The following ZNF136 variants were observed in gnomAD, a reference collection of about 807,000 sequenced individuals.
The protein encoded by ZNF136 is zinc finger protein 136 (clone pHZ-20).
In ZNF136, 8 loss-of-function variants were observed where a neutral mutation model predicts 11.4. The ratio of observed to expected loss-of-function variants is 0.70; its 90% confidence interval spans 0.41 to 1.27. ZNF136 has a LOEUF of 1.27. Among genes scored for constraint, ZNF136 ranks in the 50% most tolerant of loss-of-function variants. The pLI is 0.01. For missense variants in ZNF136, 590 were observed against 656.5 expected, an observed-to-expected ratio of 0.90 and a Z score of 1.11; for synonymous variants, 190 against 207.1, an observed-to-expected ratio of 0.92 and a Z score of 0.71.
chr19:12,167,490 C>T (rs1407520581), intron 1 of ZNF136, among the ~76,000 whole-genome samples: 1 of 152,224 alleles, frequency 6.6e-6, no homozygotes, highest in African/African-American at 2.4e-5. Context: ...CTTTGGGAGG[C>T]TGAGGCCAGA....
At chr19:12,163,797 T>C (rs916397399) in intron 1 of ZNF136, 1 of 152,346 alleles carries the variant, frequency 6.6e-6, no homozygotes, top group Non-Finnish European at 1.5e-5. Flanking sequence ...AACAAAGCAA[T>C]GGATTACTCT....
At chr19:12,177,720 C>T (rs756733147) in intron 1 of ZNF136, among the ~76,000 whole-genome samples, 2 of 152,194 alleles carry the variant, frequency 1.3e-5, no homozygotes, top group Non-Finnish European at 2.9e-5. Context: ...TTGCATTTCC[C>T]TAATGATTTG....
intron 1 of ZNF136, among the ~76,000 whole-genome samples, chr19:12,184,411 A>G (rs1915030888): frequency 6.6e-6 from 1 of 152,034 alleles, no homozygotes. Context: ...AATACAAAAA[A>G]TTAGTCAGGC....
intron 1 of ZNF136, among the ~76,000 whole-genome samples, chr19:12,165,813 C>CT (rs1977177533): frequency 6.6e-6 from 1 of 152,200 alleles, no homozygotes; most frequent in Non-Finnish European, 1.5e-5. Flanking sequence ...ATTCTGTAAT[C>CT]TTTTGGGACA....
intron 1 of ZNF136, among the ~76,000 whole-genome samples, chr19:12,172,299 C>G (rs1044546528): frequency 4.6e-5 from 7 of 152,118 alleles, no homozygotes; most frequent in Non-Finnish European, 8.8e-5. Context: ...TTGTTTATAG[C>G]TGGAGACTGG....
intron 2 of ZNF136, 53 bp from the exon 3 acceptor site, chr19:12,186,061 A>C: frequency 1.3e-6 from 2 of 1,590,928 alleles, no homozygotes; most frequent in Non-Finnish European, 1.7e-6. Context: ...AGAATCTAAT[A>C]ATTTTTCTAT....
chr19:12,169,172 C>T (rs1353541298), intron 1 of ZNF136: 1 of 152,276 alleles, frequency 6.6e-6, no homozygotes, highest in African/African-American at 2.4e-5. Flanking sequence ...GGGCCCTGGA[C>T]TTGTGGGGTC....
intron 1 of ZNF136, among the ~76,000 whole-genome samples, chr19:12,178,158 A>G (rs1914846515): frequency 6.6e-6 from 1 of 152,198 alleles, no homozygotes; most frequent in Admixed American, 6.5e-5. Flanking sequence ...CTTGCTATTG[A>G]GCTGTTTGAA....
rs527480119 is a variant in ZNF136, at chr19:12,175,179, GA to G, written c.4-10605del. Among the ~76,000 whole-genome samples, 748 of 150,752 alleles carry G rather than the reference GA, an allele frequency of 5.0e-3. 7 individuals are homozygous for G. Among genetic ancestry groups the G allele is most frequent in the Middle Eastern group, 0.01 (3 of 294 alleles). ...AGGTCAGTTGAAGGGCAGAGAGAAA[GA>G]TTCTGTTTTCTTTCGATTTTTTTTT... On this transcript the variant is annotated intron_variant, in intron 1 of 3. Coordinates refer to ENST00000343979, the MANE Select transcript of ZNF136 (RefSeq NM_003437.5).
intron 1 of ZNF136, among the ~76,000 whole-genome samples, chr19:12,165,280 C>G (rs867293443): frequency 6.0e-4 from 92 of 152,280 alleles, no homozygotes; most frequent in African/African-American, 2.2e-3. Flanking sequence ...GAGGGATGTT[C>G]CAACTGATAG....
chr19:12,180,686 T>G (rs1198697013), intron 1 of ZNF136, among the ~76,000 whole-genome samples: 1 of 152,208 alleles, frequency 6.6e-6, no homozygotes, highest in African/African-American at 2.4e-5. Flanking sequence ...TAAGTGTGGA[T>G]GTAGATAGTG....
chr19:12,187,033 A>G lies in ZNF136; in HGVS notation c.655A>G (p.Thr219Ala). Residue 219 changes from threonine (T) to alanine (A), a missense_variant, in exon 4 of 4, where the codon ACT becomes GCT. Physicochemically the swap from Thr to Ala is moderately conservative, Grantham distance 58. Coordinates refer to ENST00000343979, the MANE Select transcript of ZNF136 (RefSeq NM_003437.5). ...SRFRTHERSH[T>A]GEKPYECQEC... The stretch of plus-strand genomic sequence containing the variant: ...ATTTCGAACACATGAAAGAAGTCAC[A>G]CTGGAGAGAAACCCTATGAATGTCA... 1 of 1,614,186 alleles carries G rather than the reference A, an allele frequency of 6.2e-7. No individual in the cohort carries two copies. The highest frequency in any genetic ancestry group is 8.5e-7 in the Non-Finnish European group (1 of 1,180,022).
At chr19:12,181,346 C>T (rs534344079) in intron 1 of ZNF136, among the ~76,000 whole-genome samples, 1 of 152,306 alleles carries the variant, frequency 6.6e-6, no homozygotes, top group African/African-American at 2.4e-5. Flanking sequence ...GCCTAACTCT[C>T]CTTGATCTGG....
intron 1 of ZNF136, among the ~76,000 whole-genome samples, chr19:12,182,472 C>T (rs1014111903): frequency 3.9e-5 from 6 of 152,210 alleles, no homozygotes; most frequent in African/African-American, 1.4e-4. Flanking sequence ...CCCCTGGATG[C>T]CTTGGACCTA....
chr19:12,187,925 G>T lies in ZNF136; in HGVS notation c.1547G>T (p.Arg516Leu). 1.3e-6 allele frequency: 2 copies of T among 1,572,984 alleles called. No individual in the cohort carries two copies. Among genetic ancestry groups the T allele is most frequent in the Non-Finnish European group, 1.7e-6 (2 of 1,165,792 alleles). ...CKECGKAYSCRASFQRHMLTH... is the reference protein window; with the variant it reads ...CKECGKAYSCLASFQRHMLTH... Reference sequence around the variant, plus strand: ...GAATGTGGGAAAGCCTATTCTTGCCGTGCCAGCTTTCAGAGACACATGTTA... The same window carrying T: ...GAATGTGGGAAAGCCTATTCTTGCCTTGCCAGCTTTCAGAGACACATGTTA... The change falls in exon 4 of 4, where the codon CGT becomes CTT. Residue 516 changes from arginine (R) to leucine (L), a missense_variant. Coordinates refer to ENST00000343979, the MANE Select transcript of ZNF136 (RefSeq NM_003437.5).
chr19:12,173,253 A>G (rs1681121773), intron 1 of ZNF136, among the ~76,000 whole-genome samples: 1 of 152,198 alleles, frequency 6.6e-6, no homozygotes, highest in African/African-American at 2.4e-5. Flanking sequence ...GTCAGCAGAC[A>G]GGCCTTATTG....
chr19:12,187,577 C>G lies in ZNF136; in HGVS notation c.1199C>G (p.Pro400Arg). ...GPYKCKVCGK[P>R]FHSLSPFRIH... ...TATAAATGTAAGGTATGTGGGAAAC[C>G]CTTTCATTCTCTGAGTCCATTTCGA... Residue 400 changes from proline to arginine, a missense_variant, in exon 4 of 4, where the codon CCC becomes CGC. Pro to Arg is a moderately radical substitution (Grantham distance 103). Transcript: ENST00000343979. 1 of 1,614,076 alleles carries G rather than the reference C, an allele frequency of 6.2e-7. No homozygotes were observed. Among genetic ancestry groups the G allele is most frequent in the Non-Finnish European group, 8.5e-7 (1 of 1,180,010 alleles).
intron 1 of ZNF136, among the ~76,000 whole-genome samples, chr19:12,174,374 C>T (rs964616572): frequency 1.3e-5 from 2 of 152,106 alleles, no homozygotes; most frequent in Admixed American, 6.6e-5. Flanking sequence ...GTCCCTGTGT[C>T]GAAGTATCTG....
At chr19:12,180,355 C>G (rs898577844) in intron 1 of ZNF136, among the ~76,000 whole-genome samples, 3 of 152,148 alleles carry the variant, frequency 2.0e-5, no homozygotes, top group Non-Finnish European at 2.9e-5. Flanking sequence ...ACTGTAGACT[C>G]AGAACATCCA....
Sources: gnomAD v4.1 joint callset for allele counts (sites outside exome capture counted in the v4.1 genomes callset) on GRCh38, gnomAD v4.1.1 for gene constraint, MANE v1.5 for transcripts, NCBI Gene and HGNC (gene_info 2026-07-23, HGNC 2026-07-21) for gene names.